RAB14: variants seen among roughly 807,000 people sequenced by gnomAD.
The protein encoded by RAB14 is ras-related protein Rab-14.
In RAB14, 3 loss-of-function variants were observed where a neutral mutation model predicts 31.1. That is an observed-to-expected ratio of 0.10 (90% CI 0.04 to 0.25). RAB14 has a LOEUF of 0.25. Among genes scored for constraint, RAB14 ranks in the 10% least tolerant of loss-of-function variants. RAB14 has a pLI of 1.00. For synonymous variants in RAB14, 85 were observed against 84.9 expected (o/e 1.00, Z 0.00); for missense variants, 111 against 260.1 (o/e 0.43, Z 3.94).
chr9:121,184,498 C>T (rs550735429), intron 5 of RAB14, among the ~76,000 whole-genome samples: 57 of 152,116 alleles, frequency 3.7e-4, no homozygotes, highest in Non-Finnish European at 7.1e-4. Context: ...TGGTAAAATC[C>T]TTCCCTTTTT....
In RAB14 at chr9:121,180,643, T is replaced by G. The variant is rs41273420; in HGVS notation, c.*753A>C. The G allele has an allele frequency of 2.4e-3, 362 of 152,782 alleles. No homozygotes were observed. Among genetic ancestry groups the G allele is most frequent in the Non-Finnish European group, 3.9e-3 (267 of 68,034 alleles). The allele number at this position is 152,782 out of a possible 1,614,324, so 9.5% of individuals were successfully genotyped here. A position where few individuals can be genotyped will look rare whatever the true frequency, so the allele number is the denominator to read the frequency against. On this transcript the variant is annotated 3_prime_UTR_variant, in exon 8 of 8. Coordinates refer to ENST00000373840, the MANE Select transcript of RAB14 (RefSeq NM_016322.4). The stretch of plus-strand genomic sequence containing the variant: ...CACATATAGGTCATACTGTACAAAC[T>G]GGTATTTTATACTGTTCCAATGCCA...
Position 121,186,935 on chromosome 9 carries a change from A to G in RAB14, c.351+18T>C. 6.7e-7 allele frequency: 1 copy of G among 1,497,588 alleles called. No homozygotes were observed. Among genetic ancestry groups the G allele is most frequent in the Non-Finnish European group, 8.9e-7 (1 of 1,120,686 alleles). 92.8% of individuals were successfully genotyped at this position (1,497,588 alleles called of 1,614,324 possible). ...TAGTTCTTAAATTTTCTGTGTAATA[A>G]GATGCCATTTAACTTACAGTATTTG... On this transcript the variant is annotated intron_variant, in intron 5 of 7. Coordinates refer to ENST00000373840, the MANE Select transcript of RAB14 (RefSeq NM_016322.4).
intron 1 of RAB14, among the ~76,000 whole-genome samples, chr9:121,199,333 T>C (rs190799964): frequency 1.3e-5 from 2 of 152,348 alleles, no homozygotes; most frequent in African/African-American, 4.8e-5. Flanking sequence ...TATTTAAAAT[T>C]GTCTAGAATA....
At chr9:121,194,126 ACAC>A (rs1447255730) in intron 1 of RAB14, among the ~76,000 whole-genome samples, 2 of 151,056 alleles carry the variant, frequency 1.3e-5, no homozygotes, top group Admixed American at 1.3e-4. Context: ...ACACACACAC[ACAC>A]ATTTTTTGAA....
intron 1 of RAB14, among the ~76,000 whole-genome samples, chr9:121,195,332 T>C (rs570261107): frequency 1.3e-5 from 2 of 152,284 alleles, no homozygotes; most frequent in East Asian, 3.9e-4. Context: ...TTCAAATTAC[T>C]GTCTCTTCTG....
chr9:121,183,831 G>C (rs1002931726), intron 5 of RAB14, among the ~76,000 whole-genome samples: 1 of 152,170 alleles, frequency 6.6e-6, no homozygotes, highest in Admixed American at 6.5e-5. Flanking sequence ...CAAAGATTAC[G>C]ATATAGCTGA....
At position 121,178,962 on chromosome 9, in the gene RAB14, C is replaced by G. The variant is rs1337286383; in HGVS notation, c.*2434G>C. On this transcript the variant is annotated 3_prime_UTR_variant, in exon 8 of 8. Transcript: ENST00000373840. ...ACGCATGTTACAATATGACAATCTG[C>G]TCTATTTGTGAGCACCTGAGTGTAT... 1 of 152,190 alleles carries G rather than the reference C, an allele frequency of 6.6e-6. No homozygotes were observed. The highest frequency in any genetic ancestry group is 2.4e-5 in the African/African-American group (1 of 41,450). The allele number at this position is 152,190 out of a possible 1,614,324, so 9.4% of individuals were successfully genotyped here.
chr9:121,198,903 A>G (rs2053733750), intron 1 of RAB14, among the ~76,000 whole-genome samples: 1 of 150,924 alleles, frequency 6.6e-6, no homozygotes, highest in African/African-American at 2.4e-5. Context: ...TGAGTGGTCA[A>G]TTTCCTCAAC....
rs929805816 is a variant in RAB14, at chr9:121,179,782, C to T, written c.*1614G>A. On this transcript the variant is annotated 3_prime_UTR_variant, in exon 8 of 8. Coordinates refer to ENST00000373840, the MANE Select transcript of RAB14 (RefSeq NM_016322.4). ...CTGGTACTACCACATGTTTACAACC[C>T]AGAAAGATGTACTTTTATGTTAGTG... The T allele has an allele frequency of 1.3e-5, 2 of 152,544 alleles. No homozygotes were observed. The highest frequency in any genetic ancestry group is 3.8e-4 in the East Asian group (2 of 5,200). 9.4% of individuals were successfully genotyped at this position (152,544 alleles called of 1,614,324 possible).
intron 1 of RAB14, among the ~76,000 whole-genome samples, chr9:121,200,370 A>AT (rs938144304): frequency 2.0e-5 from 3 of 152,212 alleles, no homozygotes; most frequent in Admixed American, 6.5e-5. Context: ...AAATAAAAGA[A>AT]TTTTTTAAAG....
intron 2 of RAB14, among the ~76,000 whole-genome samples, 187 bp from the exon 3 acceptor site, chr9:121,192,411 T>C (rs887652236): frequency 6.6e-6 from 1 of 152,142 alleles, no homozygotes; most frequent in African/African-American, 2.4e-5. Context: ...TCCCAATCTT[T>C]AGCAGTGACA....
At chr9:121,183,485 T>A in intron 5 of RAB14, 87 bp from the exon 6 acceptor site, 1 of 1,050,258 alleles carries the variant, frequency 9.5e-7, no homozygotes, top group Non-Finnish European at 1.4e-6. Flanking sequence ...AAAATCTTGA[T>A]AGAAAAAATG....
intron 7 of RAB14, among the ~76,000 whole-genome samples, chr9:121,181,905 G>A (rs377280629): frequency 2.2e-4 from 34 of 151,694 alleles, no homozygotes; most frequent in African/African-American, 5.8e-4. Flanking sequence ...ACACCACCAC[G>A]CCCAGCTAAT....
chr9:121,200,444 C>T (rs1564323839), intron 1 of RAB14, among the ~76,000 whole-genome samples: 1 of 152,194 alleles, frequency 6.6e-6, no homozygotes, highest in Non-Finnish European at 1.5e-5. Flanking sequence ...GGCTCTGACA[C>T]TTGCTGTGGG....
chr9:121,193,262 T>C (rs1469461791), intron 2 of RAB14, 99 bp downstream of exon 2: 1 of 757,404 alleles, frequency 1.3e-6, no homozygotes. Context: ...AGTAAGAAAA[T>C]CACTCAGTCC....
intron 5 of RAB14, among the ~76,000 whole-genome samples, chr9:121,186,266 A>G (rs2053658554): frequency 6.6e-6 from 1 of 152,132 alleles, no homozygotes; most frequent in Non-Finnish European, 1.5e-5. Flanking sequence ...TAGGCTCTCC[A>G]GCACTGTGCC....
intron 3 of RAB14, 65 bp from the exon 4 acceptor site, chr9:121,190,796 G>GA: frequency 6.7e-7 from 1 of 1,492,180 alleles, no homozygotes; most frequent in Non-Finnish European, 9.2e-7. Flanking sequence ...CCTAGAGGGG[G>GA]AAAATCCACT....
In RAB14 at chr9:121,181,216, C is replaced by T. The variant is rs1474677601; in HGVS notation, c.*180G>A. 1.8e-6 allele frequency: 1 copy of T among 558,276 alleles called. No individual in the cohort carries two copies. Among genetic ancestry groups the T allele is most frequent in the African/African-American group, 1.9e-5 (1 of 52,032 alleles). The allele number at this position is 558,276 out of a possible 1,614,324, so 34.6% of individuals were successfully genotyped here. ...TTATTACTCTACTTGCCTTTGATAA[C>T]CTGATTACATCTAGTTGTTTAGCAG... On this transcript the variant is annotated 3_prime_UTR_variant, in exon 8 of 8. Transcript: ENST00000373840.
intron 5 of RAB14, among the ~76,000 whole-genome samples, chr9:121,186,658 C>T (rs1248060423): frequency 6.6e-6 from 1 of 152,098 alleles, no homozygotes; most frequent in Non-Finnish European, 1.5e-5. Context: ...GAAATTAATG[C>T]AGATCCCTTT....
Sources: allele counts gnomAD v4.1 joint callset (sites outside exome capture counted in the v4.1 genomes callset), GRCh38; gene constraint gnomAD v4.1.1; transcripts MANE v1.5; gene names NCBI Gene and HGNC (gene_info 2026-07-23, HGNC 2026-07-21).